The following GLIS3 variants were observed in gnomAD, a reference collection of about 807,000 sequenced individuals.
GLIS3 encodes zinc finger protein GLIS3.
Under a neutral mutation model 78.6 loss-of-function variants are expected in GLIS3, and 53 were observed. That is an observed-to-expected ratio of 0.67 (90% CI 0.54 to 0.85). The LOEUF (loss-of-function observed/expected upper bound fraction) is 0.85, where lower values mean the gene tolerates loss of function less well. GLIS3 is among the 40% of genes least tolerant of loss of function. The pLI is 0.00. For missense variants in GLIS3, 1,703 were observed against 1,231.1 expected (o/e 1.38, Z -5.74); for synonymous variants, 684 against 509.9 (o/e 1.34, Z -4.60).
chr9:3,826,670 A>C lies in GLIS3; in HGVS notation c.*1602T>G, dbSNP rs80030970. 0.081 allele frequency: 12,358 copies of C among 152,190 alleles called. 681 individuals carry two copies. Among genetic ancestry groups the C allele is most frequent in the African/African-American group, 0.15 (6,142 of 41,490 alleles). The allele number at this position is 152,190 out of a possible 1,614,324, so 9.4% of individuals were successfully genotyped here. ...CAGGTAGAATACTTCCGCTTGTGGG[A>C]CTGTGGAGGGAGACTGGAAGGACCT... On this transcript the variant is annotated 3_prime_UTR_variant, in exon 11 of 11. Transcript: ENST00000381971.
At chr9:4,023,722 G>A (rs1056929885) in intron 4 of GLIS3, among the ~76,000 whole-genome samples, 1 of 152,200 alleles carries the variant, frequency 6.6e-6, no homozygotes, top group African/African-American at 2.4e-5. Flanking sequence ...AGACCAGCAA[G>A]AATTAGCAGC....
intron 2 of GLIS3, among the ~76,000 whole-genome samples, chr9:4,272,284 A>C (rs1166402673): frequency 6.6e-6 from 1 of 152,308 alleles, no homozygotes; most frequent in South Asian, 2.1e-4. Context: ...TTCAAAATAA[A>C]CATATGCCAG....
chr9:4,128,906 G>A (rs1832762133), intron 2 of GLIS3, among the ~76,000 whole-genome samples: 1 of 152,148 alleles, frequency 6.6e-6, no homozygotes, highest in Non-Finnish European at 1.5e-5. Context: ...CAAGTGTAAA[G>A]CCAAAAGGCC....
intron 2 of GLIS3, among the ~76,000 whole-genome samples, chr9:4,344,267 T>C (rs1410964436): frequency 6.6e-6 from 1 of 152,162 alleles, no homozygotes; most frequent in Non-Finnish European, 1.5e-5. Context: ...ACCATTTCAT[T>C]GAAACAGCTC....
the GLIS3 span, among the ~76,000 whole-genome samples, chr9:4,426,356 G>C: frequency 6.6e-6 from 1 of 152,156 alleles, no homozygotes; most frequent in Non-Finnish European, 1.5e-5. Flanking sequence ...TGAAACTTAA[G>C]TCCCAACCAA....
At chr9:4,154,168 C>G (rs1330934253) in intron 2 of GLIS3, among the ~76,000 whole-genome samples, 1 of 152,188 alleles carries the variant, frequency 6.6e-6, no homozygotes, top group East Asian at 1.9e-4. Flanking sequence ...ATGCCTCCAA[C>G]AGATGTAGCA....
At chr9:3,862,599 T>G (rs1820288677) in intron 8 of GLIS3, among the ~76,000 whole-genome samples, 1 of 152,238 alleles carries the variant, frequency 6.6e-6, no homozygotes, top group Non-Finnish European at 1.5e-5. Flanking sequence ...CTTTTCTTCA[T>G]TTGTACTGTA....
chr9:4,469,799 A>T, the GLIS3 span, among the ~76,000 whole-genome samples: 1 of 152,238 alleles, frequency 6.6e-6, no homozygotes, highest in Non-Finnish European at 1.5e-5. Flanking sequence ...GCAGAATTGA[A>T]GGAGATAGAG....
At chr9:4,484,574 C>A in the GLIS3 span, among the ~76,000 whole-genome samples, 1 of 151,614 alleles carries the variant, frequency 6.6e-6, no homozygotes, top group East Asian at 1.9e-4. Context: ...CCTGCCACCA[C>A]ACCTGGCTAA....
Position 3,929,622 on chromosome 9 carries a change from G to A in GLIS3, c.1983+2738C>T, listed in dbSNP as rs770323638. Among the ~76,000 whole-genome samples, 3 of 152,148 alleles carry A rather than the reference G, an allele frequency of 2.0e-5. No homozygotes were observed. In the East Asian group the frequency reaches 5.8e-4, roughly 29 times the overall value. On this transcript the variant is annotated intron_variant, in intron 6 of 10. Transcript: ENST00000381971. ...TAGGGGGAGGTTACAAAGGGGATTA[G>A]AGGCAGGCAGGCAAGCAGGGTATAT... is the stretch of plus-strand genomic sequence containing the variant.
chr9:4,339,123 A>G (rs1044084315), intron 2 of GLIS3, among the ~76,000 whole-genome samples: 3 of 152,224 alleles, frequency 2.0e-5, no homozygotes, highest in African/African-American at 7.2e-5. Flanking sequence ...GGATAAACTC[A>G]ACACCTCAGT....
At chr9:4,360,024 CA>C in the GLIS3 span, among the ~76,000 whole-genome samples, 332 of 133,770 alleles carry the variant, frequency 2.5e-3, 1 homozygote, top group East Asian at 5.8e-3. Flanking sequence ...TCAGGATTTG[CA>C]AAAAAAAAAA....
intron 2 of GLIS3, among the ~76,000 whole-genome samples, chr9:4,255,963 G>A (rs1202491802): frequency 6.6e-6 from 1 of 152,168 alleles, no homozygotes; most frequent in Non-Finnish European, 1.5e-5. Context: ...TGCGTGCAGG[G>A]AGTATATGGG....
At chr9:4,206,390 C>T (rs1398093685) in intron 2 of GLIS3, among the ~76,000 whole-genome samples, 1 of 152,200 alleles carries the variant, frequency 6.6e-6, no homozygotes, top group Non-Finnish European at 1.5e-5. Context: ...GACTGCCTAA[C>T]ATCTAACCTT....
At chr9:4,183,889 C>G (rs565385738) in intron 2 of GLIS3, among the ~76,000 whole-genome samples, 1 of 152,098 alleles carries the variant, frequency 6.6e-6, no homozygotes, top group African/African-American at 2.4e-5. Context: ...TATAAATGAT[C>G]CTTCTAATAT....
At position 4,147,059 on chromosome 9, in the gene GLIS3, T is replaced by C. The variant is rs77940258; in HGVS notation, c.389-21118A>G. On this transcript the variant is annotated intron_variant, in intron 2 of 10. Coordinates refer to ENST00000381971, the MANE Select transcript of GLIS3 (RefSeq NM_001042413.2). ...CCACCCTGACCTAGCACCTGACATT[T>C]AGAAATTTAAGCCCACTGCAATTAA... is the stretch of plus-strand genomic sequence containing the variant. Among the ~76,000 whole-genome samples the C allele has an allele frequency of 1.9e-3, 291 of 152,344 alleles. 2 individuals carry two copies. The highest frequency in any genetic ancestry group is 6.7e-3 in the African/African-American group (279 of 41,582).
In GLIS3 at chr9:3,856,113, T is replaced by C; in HGVS notation, c.2369A>G (p.Gln790Arg). Residue 790 changes from glutamine to arginine, a missense_variant, in exon 9 of 11, where the codon CAA becomes CGA. Transcript: ENST00000381971. ...CTGGGTATAGGGAGGCTGTGTTCTT[T>C]GCAGTATTGAAGAAGGAGCTGGAAC... ...RRVPAPSSIL[Q>R]RTQPPYTQQP... 6.2e-7 allele frequency: 1 copy of C among 1,614,184 alleles called. No individual in the cohort carries two copies. Among genetic ancestry groups the C allele is most frequent in the Non-Finnish European group, 8.5e-7 (1 of 1,180,018 alleles).
At chr9:4,077,259 C>T (rs1246259219) in intron 4 of GLIS3, among the ~76,000 whole-genome samples, 1 of 152,002 alleles carries the variant, frequency 6.6e-6, no homozygotes, top group African/African-American at 2.4e-5. Context: ...AGATAAATTC[C>T]TAGAAGTGTA....
chr9:4,035,316 A>G (rs1373664096), intron 4 of GLIS3, among the ~76,000 whole-genome samples: 3 of 152,126 alleles, frequency 2.0e-5, no homozygotes, highest in Non-Finnish European at 2.9e-5. Flanking sequence ...CTAGTTAACT[A>G]AAGTAAAAGC....
Sources: gnomAD v4.1 joint callset for allele counts (sites outside exome capture counted in the v4.1 genomes callset) on GRCh38, gnomAD v4.1.1 for gene constraint, MANE v1.5 for transcripts, NCBI Gene and HGNC (gene_info 2026-07-23, HGNC 2026-07-21) for gene names.